Variants in DUSP14 observed in about 807,000 individuals in gnomAD.
DUSP14 encodes the protein dual specificity protein phosphatase 14.
Under a neutral mutation model 13.2 loss-of-function variants are expected in DUSP14, and 5 were observed. The ratio of observed to expected loss-of-function variants is 0.38; its 90% CI spans 0.20 to 0.80. The LOEUF (loss-of-function observed/expected upper bound fraction) is 0.80, where lower values mean the gene tolerates loss of function less well. Among genes scored for constraint, DUSP14 ranks in the 30% least tolerant of loss-of-function variants. DUSP14 has a pLI of 0.44. For missense variants in DUSP14, 185 were observed against 264.0 expected, an observed-to-expected ratio of 0.70 and a Z score of 2.07; for synonymous variants, 91 against 103.4, an observed-to-expected ratio of 0.88 and a Z score of 0.73.
At chr17:37,493,031 A>G (rs1347350945) in intron 1 of DUSP14, among the ~76,000 whole-genome samples, 6 of 152,024 alleles carry the variant, frequency 3.9e-5, no homozygotes, top group South Asian at 2.1e-4. Context: ...GTGTGTGTGT[A>G]TGTATGTATA....
intron 1 of DUSP14, among the ~76,000 whole-genome samples, chr17:37,504,064 T>C (rs1221023055): frequency 6.6e-6 from 1 of 152,094 alleles, no homozygotes. Flanking sequence ...TGTGGTGGTG[T>C]ATGCCTGTAA....
At position 37,496,343 on chromosome 17, in the gene DUSP14, G is replaced by T. The variant is rs149589727; in HGVS notation, c.-181+6385G>T. Among the ~76,000 whole-genome samples the T allele has an allele frequency of 8.1e-4, 124 of 152,190 alleles. 1 individual carries two copies. The highest frequency in any genetic ancestry group is 1.4e-3 in the Non-Finnish European group (96 of 68,036). ...AATTATGCTGGGCACAGTGGCTCACGCCTATAATCCCAGCACTTTGGGAGG... is the reference window on the plus strand; with the variant it reads ...AATTATGCTGGGCACAGTGGCTCACTCCTATAATCCCAGCACTTTGGGAGG... On this transcript the variant is annotated intron_variant, in intron 1 of 2. Coordinates refer to ENST00000617516, the MANE Select transcript of DUSP14 (RefSeq NM_007026.4).
chr17:37,496,668 G>A (rs1218718554), intron 1 of DUSP14, among the ~76,000 whole-genome samples: 1 of 152,082 alleles, frequency 6.6e-6, no homozygotes, highest in Non-Finnish European at 1.5e-5. Context: ...ACAGAGAATT[G>A]CTTGAACCTG....
upstream of DUSP14, among the ~76,000 whole-genome samples, chr17:37,489,670 T>C (rs895972771): frequency 1.3e-5 from 2 of 151,810 alleles, no homozygotes; most frequent in African/African-American, 4.8e-5. Flanking sequence ...AGGAGCGCTC[T>C]AGGGGAGGCT....
chr17:37,506,940 C>G (rs1363941081), intron 1 of DUSP14, among the ~76,000 whole-genome samples: 1 of 152,198 alleles, frequency 6.6e-6, no homozygotes, highest in Non-Finnish European at 1.5e-5. Flanking sequence ...CCACACCCCC[C>G]CGCGTGTGTG....
chr17:37,503,495 C>T (rs2054118420), intron 1 of DUSP14, among the ~76,000 whole-genome samples: 1 of 152,168 alleles, frequency 6.6e-6, no homozygotes, highest in South Asian at 2.1e-4. Flanking sequence ...GTGGCCATCT[C>T]TGGTGAATAC....
At chr17:37,490,261 G>A (rs1042305487) in intron 1 of DUSP14, among the ~76,000 whole-genome samples, 3 of 152,020 alleles carry the variant, frequency 2.0e-5, no homozygotes, top group Non-Finnish European at 4.4e-5. Context: ...CCTGTGCCCC[G>A]GGGCTCCAGC....
chr17:37,498,810 A>G (rs1261219476), intron 1 of DUSP14, among the ~76,000 whole-genome samples: 1 of 152,228 alleles, frequency 6.6e-6, no homozygotes, highest in East Asian at 1.9e-4. Flanking sequence ...CTAAAAAGGT[A>G]CTTACTAGAA....
rs1761380372 is a variant in DUSP14 at position 37,512,999 on chromosome 17, C to G, written c.*130C>G. The G allele has an allele frequency of 5.3e-6, 4 of 750,244 alleles. No individual in the cohort carries two copies. Among genetic ancestry groups the G allele is most frequent in the African/African-American group, 1.7e-5 (1 of 57,190 alleles). 46.5% of individuals were successfully genotyped at this position (750,244 alleles called of 1,614,324 possible). A position where few individuals can be genotyped will look rare whatever the true frequency, so the allele number is the denominator to read the frequency against. ...TCAAGTGTTTTTTACACTGGGTGTT[C>G]AAATTTATTTTAAGAGATAGGGAGG... is the stretch of plus-strand genomic sequence containing the variant. On this transcript the variant is annotated 3_prime_UTR_variant, in exon 3 of 3. Coordinates refer to ENST00000617516, the MANE Select transcript of DUSP14 (RefSeq NM_007026.4). This position sits in a 1 kb window ranked among gnomAD's most constrained non-coding sequence, Gnocchi z 4.8.
intron 1 of DUSP14, among the ~76,000 whole-genome samples, chr17:37,499,182 A>G (rs1183529564): frequency 2.6e-5 from 4 of 152,068 alleles, no homozygotes; most frequent in Admixed American, 6.6e-5. Context: ...GTCTCATGCA[A>G]CTCACTCAAA....
At chr17:37,490,009 T>A (rs1205128712) in intron 1 of DUSP14, 51 bp downstream of exon 1, 1 of 3,088 alleles carries the variant, frequency 3.2e-4, no homozygotes. Context: ...GGTGTTGGGG[T>A]GGGGCGGGAG....
intron 1 of DUSP14, among the ~76,000 whole-genome samples, chr17:37,500,039 G>T (rs560282253): frequency 1.3e-5 from 2 of 152,358 alleles, no homozygotes; most frequent in South Asian, 4.1e-4. Flanking sequence ...AGTGCAGTCG[G>T]ACTGCTCTCA....
At chr17:37,508,913 C>T (rs1054500354) in intron 1 of DUSP14, among the ~76,000 whole-genome samples, 85 of 147,966 alleles carry the variant, frequency 5.7e-4, no homozygotes, top group African/African-American at 2.1e-3. Flanking sequence ...CGTGGATGCT[C>T]ATAGCAGCTG....
Position 37,511,522 on chromosome 17 carries a change from C to G in DUSP14, c.-92-659C>G, listed in dbSNP as rs534845872. Among the ~76,000 whole-genome samples the G allele has an allele frequency of 1.1e-4, 17 of 151,180 alleles. No individual in the cohort carries two copies. The South Asian group carries it at 3.6e-3, about 32-fold the overall frequency. ...TCTCGAACTCCTGACCTCAGGTGAT[C>G]CACCCGCCTCAGCCTCCCAAAGTAC... On this transcript the variant is annotated intron_variant, in intron 2 of 2. Coordinates refer to ENST00000617516, the MANE Select transcript of DUSP14 (RefSeq NM_007026.4).
At chr17:37,492,158 C>G (rs1597965342) in intron 1 of DUSP14, among the ~76,000 whole-genome samples, 1 of 152,080 alleles carries the variant, frequency 6.6e-6, no homozygotes, top group East Asian at 1.9e-4. Flanking sequence ...GGCAAATTAC[C>G]CCTTTTAAAC....
intron 1 of DUSP14, among the ~76,000 whole-genome samples, chr17:37,494,310 T>C (rs2054049634): frequency 6.6e-6 from 1 of 152,180 alleles, no homozygotes; most frequent in South Asian, 2.1e-4. Context: ...CTTTTAAATG[T>C]ATTTTTCTCC....
chr17:37,511,501 G>A (rs1205029667), intron 2 of DUSP14, among the ~76,000 whole-genome samples: 2 of 150,418 alleles, frequency 1.3e-5, no homozygotes, highest in Admixed American at 6.6e-5. Flanking sequence ...GGCTGGTCTC[G>A]AACTCCTGAC....
intron 2 of DUSP14, among the ~76,000 whole-genome samples, chr17:37,511,003 T>C (rs989603951): frequency 1.4e-5 from 2 of 148,098 alleles, no homozygotes; most frequent in African/African-American, 2.5e-5. Flanking sequence ...ATATAATATA[T>C]ATCAATATAT....
chr17:37,509,261 A>G (rs1280327342), intron 1 of DUSP14, among the ~76,000 whole-genome samples: 958 of 30,546 alleles, frequency 0.031, 77 homozygotes, highest in African/African-American at 0.093. Flanking sequence ...ATATATATAT[A>G]TATATATATA....
Sources: allele counts gnomAD v4.1 joint callset (sites outside exome capture counted in the v4.1 genomes callset), GRCh38; gene constraint gnomAD v4.1.1; non-coding constraint Gnocchi (gnomAD v3.1); transcripts MANE v1.5; gene names NCBI Gene and HGNC (gene_info 2026-07-23, HGNC 2026-07-21).